PSMB3: variants seen among roughly 807,000 people sequenced by gnomAD.
The protein encoded by PSMB3 is proteasome 20S subunit beta 3, also known as proteasome subunit beta type-3.
Under a neutral mutation model 23.3 loss-of-function variants are expected in PSMB3, and 5 were observed. That is an observed-to-expected ratio of 0.21 (90% CI 0.11 to 0.45). The LOEUF (loss-of-function observed/expected upper bound fraction) is 0.45. PSMB3 is among the 20% of genes least tolerant of loss of function. The pLI is 0.99. For synonymous variants in PSMB3, 85 were observed against 99.8 expected (o/e 0.85, Z 0.88); for missense variants, 192 against 277.9 (o/e 0.69, Z 2.20).
chr17:38,754,847 A>G (rs907106703), intron 2 of PSMB3, among the ~76,000 whole-genome samples: 6 of 152,116 alleles, frequency 3.9e-5, no homozygotes, highest in East Asian at 1.9e-4. Flanking sequence ...CAGGTGTGGC[A>G]TTGGTCTGCT....
At chr17:38,754,882 T>C (rs1158267007) in intron 2 of PSMB3, among the ~76,000 whole-genome samples, 2 of 152,224 alleles carry the variant, frequency 1.3e-5, no homozygotes, top group African/African-American at 4.8e-5. Flanking sequence ...ATCCTGGGGC[T>C]CTGAGATGGA....
At chr17:38,754,811 C>G (rs1281399711) in intron 2 of PSMB3, among the ~76,000 whole-genome samples, 1 of 152,198 alleles carries the variant, frequency 6.6e-6, no homozygotes, top group Non-Finnish European at 1.5e-5. Context: ...GCTCTGGTGT[C>G]CTGAGACTCA....
At chr17:38,753,528 G>A (rs541174719) in intron 2 of PSMB3, among the ~76,000 whole-genome samples, 194 bp downstream of exon 2, 1 of 151,646 alleles carries the variant, frequency 6.6e-6, no homozygotes, top group South Asian at 2.1e-4. Context: ...ACCCAGGCTG[G>A]AGCTCAGTGG....
intron 4 of PSMB3, among the ~76,000 whole-genome samples, chr17:38,760,829 T>C (rs542498665): frequency 2.6e-5 from 4 of 152,302 alleles, no homozygotes; most frequent in East Asian, 3.9e-4. Context: ...AGTTAGATAT[T>C]TGCCACAGCA....
intron 2 of PSMB3, 121 bp downstream of exon 2, chr17:38,753,455 C>A: frequency 2.9e-6 from 3 of 1,050,522 alleles, no homozygotes; most frequent in East Asian, 2.7e-5. Context: ...GAGACTTTGC[C>A]GCCTCCAAAA....
rs1253120829 is a variant in PSMB3 at position 38,755,676 on chromosome 17, ATATATATGTGTGTGTGTGTGTG to A, written c.189-205_189-184del. ...AAAAAAAAAATATATATATATATAT[ATATATATGTGTGTGTGTGTGTG>A]TGTGTGTGTGTGTGTGTGCTGCCAA... On this transcript the variant is annotated intron_variant, in intron 2 of 5. Transcript: ENST00000619426. Among the ~76,000 whole-genome samples, 983 of 107,770 alleles carry A rather than the reference ATATATATGTGTGTGTGTGTGTG, an allele frequency of 9.1e-3. 5 individuals carry two copies. The highest frequency in any genetic ancestry group is 0.015 in the Non-Finnish European group (823 of 55,052). The allele number at this position is 107,770 out of a possible 152,430, so 70.7% of individuals were successfully genotyped here.
At chr17:38,763,992 C>A in intron 5 of PSMB3, 127 bp from the exon 6 acceptor site, 1 of 966,212 alleles carries the variant, frequency 1.0e-6, no homozygotes, top group South Asian at 1.5e-5. Context: ...CTAGAGGCAG[C>A]GGGCAGCTAT....
chr17:38,761,104 CT>C (rs1908414740), intron 4 of PSMB3, among the ~76,000 whole-genome samples: 1 of 151,762 alleles, frequency 6.6e-6, no homozygotes. Context: ...AATCCCAGCA[CT>C]TTGGGAGGCT....
intron 3 of PSMB3, among the ~76,000 whole-genome samples, chr17:38,758,700 A>T (rs1908313633): frequency 6.6e-6 from 1 of 152,104 alleles, no homozygotes; most frequent in African/African-American, 2.4e-5. Context: ...GTGCGTGTGT[A>T]TGTGTGTGTG....
intron 3 of PSMB3, among the ~76,000 whole-genome samples, chr17:38,758,693 C>T (rs1487035549): frequency 6.6e-6 from 1 of 152,052 alleles, no homozygotes; most frequent in Non-Finnish European, 1.5e-5. Flanking sequence ...TTGAACTGTG[C>T]GTGTGTATGT....
At chr17:38,759,584 G>A (rs1009673355) in intron 3 of PSMB3, among the ~76,000 whole-genome samples, 1 of 148,644 alleles carries the variant, frequency 6.7e-6, no homozygotes, top group Non-Finnish European at 1.5e-5. Context: ...TCGCTCTGTC[G>A]CTCAGGCTGG....
Position 38,762,199 on chromosome 17 carries a change from C to T in PSMB3, c.475-212C>T. On this transcript the variant is annotated intron_variant, in intron 4 of 5. Coordinates refer to ENST00000619426, the MANE Select transcript of PSMB3 (RefSeq NM_002795.4). ...GCTGATTAGTAAAAGAAATTCAGGG[C>T]TTGAAGTCTCTTTCACTTTCCTTTA... is the stretch of plus-strand genomic sequence containing the variant. 7.4e-6 allele frequency: 4 copies of T among 541,004 alleles called. No individual in the cohort carries two copies. In the South Asian group the frequency reaches 1.0e-4, roughly 14 times the overall value. The allele number at this position is 541,004 out of a possible 1,614,324, so 33.5% of individuals were successfully genotyped here. A position where few individuals can be genotyped will look rare whatever the true frequency, so the allele number is the denominator to read the frequency against.
chr17:38,756,713 C>T (rs1264744924), intron 3 of PSMB3, among the ~76,000 whole-genome samples: 1 of 152,050 alleles, frequency 6.6e-6, no homozygotes, highest in Non-Finnish European at 1.5e-5. Context: ...TCAGGCTGGT[C>T]TCGAACTCCT....
chr17:38,763,545 A>G (rs1368008030), intron 5 of PSMB3, among the ~76,000 whole-genome samples: 1 of 112,802 alleles, frequency 8.9e-6, no homozygotes, highest in East Asian at 3.1e-4. Flanking sequence ...TCTGTCGCCC[A>G]GGCTGGAGTG....
At chr17:38,754,816 G>C (rs931735713) in intron 2 of PSMB3, among the ~76,000 whole-genome samples, 1 of 152,200 alleles carries the variant, frequency 6.6e-6, no homozygotes, top group African/African-American at 2.4e-5. Flanking sequence ...GGTGTCCTGA[G>C]ACTCATTGCT....
chr17:38,762,729 G>A (rs565163416), intron 5 of PSMB3, among the ~76,000 whole-genome samples: 21 of 152,100 alleles, frequency 1.4e-4, no homozygotes, highest in Non-Finnish European at 2.1e-4. Flanking sequence ...CTGTGACCCC[G>A]TGCTCACAAG....
rs1907985402 is a variant in PSMB3 at position 38,752,751 on chromosome 17, G to A, written c.-76G>A. The A allele has an allele frequency of 3.2e-6, 5 of 1,566,552 alleles. No homozygotes were observed. Among genetic ancestry groups the A allele is most frequent in the South Asian group, 1.1e-5 (1 of 90,228 alleles). The stretch of plus-strand genomic sequence containing the variant: ...AGCCAATGAAGAGACAGCAGTGAGA[G>A]CGGTTGCGCAGTGAAGGCTAGACCC... On this transcript the variant is annotated 5_prime_UTR_variant, in exon 1 of 6. Coordinates refer to ENST00000619426, the MANE Select transcript of PSMB3 (RefSeq NM_002795.4). This position sits in a 1 kb window ranked among gnomAD's most constrained non-coding sequence, Gnocchi z 5.5.
rs369465362 is a variant in PSMB3 at position 38,764,091 on chromosome 17, G to A, written c.570-28G>A. ...AGTCACGGTCCAGATGGGTAGAGAT[G>A]TTTTCTTGTGATTTTCTCCCTCTGC... On this transcript the variant is annotated intron_variant, in intron 5 of 5. Transcript: ENST00000619426. 436 of 1,613,914 alleles carry A rather than the reference G, an allele frequency of 2.7e-4. 1 individual carries two copies. The highest frequency in any genetic ancestry group is 1.7e-4 in the Middle Eastern group (1 of 6,058).
Position 38,753,163 on chromosome 17 carries a change from A to G in PSMB3, c.17A>G (p.Tyr6Cys), listed in dbSNP as rs1489193205. MSIMS[Y>C]NGGAVMAMKG... The stretch of plus-strand genomic sequence containing the variant: ...TGTCTGTCCTAGTCTATTATGTCCT[A>G]TAACGGAGGGGCCGTCATGGCCATG... Residue 6 changes from tyrosine (Y) to cysteine (C), a missense_variant, in exon 2 of 6, where the codon TAT becomes TGT. Coordinates refer to ENST00000619426, the MANE Select transcript of PSMB3 (RefSeq NM_002795.4). 1 of 1,614,066 alleles carries G rather than the reference A, an allele frequency of 6.2e-7. No homozygotes were observed. Among genetic ancestry groups the G allele is most frequent in the Non-Finnish European group, 8.5e-7 (1 of 1,179,984 alleles).
Sources: gnomAD v4.1 joint callset for allele counts (sites outside exome capture counted in the v4.1 genomes callset) on GRCh38, gnomAD v4.1.1 for gene constraint, Gnocchi (gnomAD v3.1) non-coding constraint, MANE v1.5 for transcripts, NCBI Gene and HGNC (gene_info 2026-07-23, HGNC 2026-07-21) for gene names.